Variants in ANKRD36C observed in about 807,000 individuals in gnomAD.
The protein encoded by ANKRD36C is ankyrin repeat domain-containing protein 36C.
A neutral mutation model predicts 276.4 loss-of-function variants in ANKRD36C; 61 were observed. That is an observed-to-expected ratio of 0.22 (90% CI 0.18 to 0.27). ANKRD36C has a LOEUF of 0.27. ANKRD36C is among the 10% of genes least tolerant of loss of function. The pLI, the probability that ANKRD36C is intolerant of heterozygous loss-of-function variation, is 1.00. For missense variants in ANKRD36C, 1,447 were observed against 2,032.3 expected, an observed-to-expected ratio of 0.71 and a Z score of 5.54; for synonymous variants, 483 against 680.1, an observed-to-expected ratio of 0.71 and a Z score of 4.51.
intron 6 of ANKRD36C, among the ~76,000 whole-genome samples, chr2:95,971,401 G>A (rs1678693982): frequency 6.7e-6 from 1 of 149,470 alleles, no homozygotes; most frequent in Non-Finnish European, 1.5e-5. Context: ...TGATAATGGG[G>A]GGAGCTATGC....
intron 20 of ANKRD36C, among the ~76,000 whole-genome samples, chr2:95,939,469 G>A (rs1157746362): frequency 3.3e-5 from 5 of 151,256 alleles, no homozygotes; most frequent in African/African-American, 1.2e-4. Context: ...ACTTTGGGAG[G>A]CCGAGGCGGG....
At chr2:95,859,266 T>C (rs1675504594) in intron 61 of ANKRD36C, among the ~76,000 whole-genome samples, 1 of 152,126 alleles carries the variant, frequency 6.6e-6, no homozygotes, top group Non-Finnish European at 1.5e-5. Flanking sequence ...ACTCCTGACC[T>C]CGTGATCTGC....
At chr2:95,886,428 G>A (rs1676204826) in intron 50 of ANKRD36C, among the ~76,000 whole-genome samples, 184 bp from the exon 71 acceptor site, 1 of 151,144 alleles carries the variant, frequency 6.6e-6, no homozygotes, top group African/African-American at 2.4e-5. Context: ...AGGAATACAG[G>A]TTTCAAGAAA....
intron 59 of ANKRD36C, among the ~76,000 whole-genome samples, chr2:95,874,523 T>C (rs1266881823): frequency 6.6e-6 from 1 of 152,228 alleles, no homozygotes; most frequent in Admixed American, 6.5e-5. Context: ...TATACAAAAA[T>C]TAATTCAAGA....
rs1316364768 is a variant in ANKRD36C at position 95,916,402 on chromosome 2, G to A, written c.2348-231C>T. Among the ~76,000 whole-genome samples the A allele has an allele frequency of 2.0e-5, 3 of 151,522 alleles. No individual in the cohort carries two copies. In the East Asian group the frequency reaches 5.9e-4, roughly 30 times the overall value. ...TTTCAAACATGGTATGATTTGTCATGTGTCGAAAACTAAAATAAAACCGTG... is the reference window on the plus strand; with the variant it reads ...TTTCAAACATGGTATGATTTGTCATATGTCGAAAACTAAAATAAAACCGTG... On this transcript the variant is annotated intron_variant, in intron 36 of 66. Coordinates refer to ENST00000456556, the Ensembl canonical transcript of ANKRD36C.
intron 44 of ANKRD36C, among the ~76,000 whole-genome samples, chr2:95,896,801 C>T (rs1676564136): frequency 6.7e-6 from 1 of 149,790 alleles, no homozygotes; most frequent in South Asian, 2.1e-4. Flanking sequence ...TCACACCTTC[C>T]TGCCTCACAA....
chr2:95,893,619 G>T lies in ANKRD36C; in HGVS notation c.2756-1759C>A, dbSNP rs1024554587. ...GTCACCTGTAGCCTGAATGGAATTT[G>T]AAATGAAATAATAAATAAAATATGT... On this transcript the variant is annotated intron_variant, in intron 44 of 66. Coordinates refer to ENST00000456556, the Ensembl canonical transcript of ANKRD36C. 8.8e-6 allele frequency: 14 copies of T among 1,587,910 alleles called. No individual in the cohort carries two copies. In the East Asian group the frequency reaches 2.8e-4, roughly 32 times the overall value.
chr2:95,946,815 A>G (rs1326255013), intron 17 of ANKRD36C, among the ~76,000 whole-genome samples: 2 of 151,418 alleles, frequency 1.3e-5, no homozygotes, highest in African/African-American at 4.9e-5. Flanking sequence ...AGAACAAAAA[A>G]CCAAACACCG....
downstream of ANKRD36C, among the ~76,000 whole-genome samples, chr2:95,849,462 T>C (rs1249016006): frequency 6.6e-6 from 1 of 152,200 alleles, no homozygotes; most frequent in African/African-American, 2.4e-5. Context: ...CCCAGCCTTT[T>C]TGGCACCAGG....
intron 1 of ANKRD36C, among the ~76,000 whole-genome samples, chr2:95,991,268 A>G (rs1157020791): frequency 2.7e-5 from 2 of 75,336 alleles, no homozygotes; most frequent in African/African-American, 1.1e-4. Context: ...GCCCATTCAC[A>G]CCCCCACCCC....
intron 6 of ANKRD36C, among the ~76,000 whole-genome samples, chr2:95,971,685 T>G (rs1277225222): frequency 6.6e-6 from 1 of 151,982 alleles, no homozygotes; most frequent in Non-Finnish European, 1.5e-5. Context: ...AACTGATAAA[T>G]GATTGATTTT....
At chr2:95,911,933 C>T (rs1223865647) in intron 42 of ANKRD36C, among the ~76,000 whole-genome samples, 1 of 151,384 alleles carries the variant, frequency 6.6e-6, no homozygotes, top group African/African-American at 2.4e-5. Context: ...TATCTTTCTC[C>T]TTACACCCTT....
intron 17 of ANKRD36C, among the ~76,000 whole-genome samples, chr2:95,946,156 G>GAAAAAAAAAAAAAAAAAAAAA (rs56964568): frequency 3.8e-4 from 28 of 73,294 alleles, no homozygotes; most frequent in East Asian, 4.4e-4. Context: ...ACAGAGAGAG[G>GAAAAAAAAAAAAAAAAAAAAA]AAAAAAAAAA....
At chr2:95,962,950 C>G (rs1678495863) in intron 6 of ANKRD36C, among the ~76,000 whole-genome samples, 1 of 151,984 alleles carries the variant, frequency 6.6e-6, no homozygotes, top group Non-Finnish European at 1.5e-5. Flanking sequence ...AGGAAATACA[C>G]CATTATACTA....
At position 95,893,676 on chromosome 2, in the gene ANKRD36C, A is replaced by G. The variant is rs1384549598; in HGVS notation, c.2756-1816T>C. On this transcript the variant is annotated intron_variant, in intron 44 of 66. Coordinates refer to ENST00000456556, the Ensembl canonical transcript of ANKRD36C. ...GACCATACATTAACTCGTTCACAAT[A>G]TAAATGAGAGTTTCATTACCTTCAA... The G allele has an allele frequency of 5.0e-6, 8 of 1,603,766 alleles. No individual in the cohort carries two copies. The highest frequency in any genetic ancestry group is 3.3e-5 in the South Asian group (3 of 90,442).
Position 95,971,875 on chromosome 2 carries a change from T to C in ANKRD36C, c.799+6247A>G, listed in dbSNP as rs185908541. On this transcript the variant is annotated intron_variant, in intron 6 of 66. Coordinates refer to ENST00000456556, the Ensembl canonical transcript of ANKRD36C. ...AAGAACAGACTATAATTACCTAATA[T>C]TGCCATAGTAACTTCTGTATAGAAA... Among the ~76,000 whole-genome samples the C allele has an allele frequency of 3.0e-3, 452 of 152,286 alleles. 4 individuals are homozygous for C. Among genetic ancestry groups the C allele is most frequent in the African/African-American group, 0.011 (439 of 41,570 alleles).
At position 95,980,790 on chromosome 2, in the gene ANKRD36C, A is replaced by T; in HGVS notation, c.594-5T>A. On this transcript the variant is annotated splice_polypyrimidine_tract_variant and splice_region_variant and intron_variant, in intron 4 of 66. Coordinates refer to ENST00000456556, the Ensembl canonical transcript of ANKRD36C. ...ACAGCATGTATGAGGGCTGATCTAA[A>T]ATAACAGAGAGGTAATTAAAAACTT... 1 of 1,576,420 alleles carries T rather than the reference A, an allele frequency of 6.3e-7. No individual in the cohort carries two copies.
chr2:95,938,239 T>C (rs1469831621), intron 22 of ANKRD36C, among the ~76,000 whole-genome samples: 1 of 152,304 alleles, frequency 6.6e-6, no homozygotes, highest in Non-Finnish European at 1.5e-5. Context: ...TAAATAGTAG[T>C]AGAAGAAAAT....
At position 95,910,500 on chromosome 2, in the gene ANKRD36C, T is replaced by C. The variant is rs56280011; in HGVS notation, c.2653+1744A>G. On this transcript the variant is annotated intron_variant, in intron 42 of 66. Transcript: ENST00000456556. The stretch of plus-strand genomic sequence containing the variant: ...TAAATAAAGTATGTTTCATAGACCA[T>C]ACATTAACTCGTTCACAATATAAAT... The C allele has an allele frequency of 1.3e-3, 2,009 of 1,603,676 alleles. 8 individuals carry two copies. In the Middle Eastern group the frequency reaches 0.014, roughly 11 times the overall value.
Sources: gnomAD v4.1 joint callset for allele counts (sites outside exome capture counted in the v4.1 genomes callset) on GRCh38, gnomAD v4.1.1 for gene constraint, MANE v1.5 for transcripts, NCBI Gene and HGNC (gene_info 2026-07-23, HGNC 2026-07-21) for gene names.